Variants in FAM9A observed in about 807,000 individuals in gnomAD.
FAM9A encodes family with sequence similarity 9 member A.
In FAM9A, 49 loss-of-function variants were observed where a neutral mutation model predicts 25.0. The ratio of observed to expected loss-of-function variants is 1.96; its 90% CI spans 1.56 to 2.48. The LOEUF is 2.48. Ranked by LOEUF, FAM9A falls within the 30% of genes most tolerant of loss-of-function variation. The probability of loss-of-function intolerance (pLI) is 0.00; values close to 1 mark genes in which losing one functional copy is unlikely to be tolerated. For synonymous variants in FAM9A, 80 were observed against 85.1 expected (o/e 0.94, Z 0.33); for missense variants, 266 against 249.3 (o/e 1.07, Z -0.45).
intron 7 of FAM9A, among the ~76,000 whole-genome samples, chrX:8,794,378 A>G (rs1205742365): frequency 8.9e-6 from 1 of 111,915 alleles, no homozygotes; most frequent in Non-Finnish European, 1.9e-5. Flanking sequence ...TTACACAGGA[A>G]CCTTTCAATC....
intron 5 of FAM9A, among the ~76,000 whole-genome samples, chrX:8,796,588 T>C (rs1415405081): frequency 1.8e-5 from 2 of 112,029 alleles, no homozygotes; most frequent in Non-Finnish European, 1.9e-5. Context: ...CTAATTCCAA[T>C]TGGTATAACT....
intron 7 of FAM9A, 108 bp downstream of exon 7, chrX:8,794,970 C>G: frequency 1.8e-6 from 2 of 1,089,248 alleles, no homozygotes; most frequent in Non-Finnish European, 2.4e-6. Flanking sequence ...ATGGGCCCCC[C>G]TCTCTGGGCT....
chrX:8,796,781 T>C (rs1933539432), intron 5 of FAM9A, among the ~76,000 whole-genome samples: 1 of 112,187 alleles, frequency 8.9e-6, no homozygotes, highest in African/African-American at 3.2e-5. Context: ...AAAAGTATCT[T>C]ATTTAATAAG....
At chrX:8,797,144 T>C (rs1338172411) in intron 5 of FAM9A, among the ~76,000 whole-genome samples, 7 of 112,143 alleles carry the variant, frequency 6.2e-5, no homozygotes, top group African/African-American at 2.3e-4. Context: ...TCTCCATCTA[T>C]AATGCTCAGT....
Position 8,800,081 on chromosome X carries a change from C to G in FAM9A, c.91G>C (p.Gly31Arg), listed in dbSNP as rs772761590. Residue 31 changes from glycine to arginine, a missense_variant and splice_region_variant, in exon 2 of 10, where the codon GGT becomes CGT. By Grantham distance (125) the Gly-to-Arg change is moderately radical (BLOSUM62 -2). Coordinates refer to ENST00000381003, the MANE Select transcript of FAM9A (RefSeq NM_174951.3). ...ACAGACCATCTCCTTGGGCGTGCACCTTCTTTCGTGGCCCCCTGGGCGGCC... is the reference window on the plus strand; with the variant it reads ...ACAGACCATCTCCTTGGGCGTGCACGTTCTTTCGTGGCCCCCTGGGCGGCC... ...VTAAQGATKE[G>R]SGIASNFPGQ... 5 of 1,208,644 alleles carry G rather than the reference C, an allele frequency of 4.1e-6. No homozygotes were observed. The East Asian group carries it at 1.5e-4, about 36-fold the overall frequency.
intron 2 of FAM9A, among the ~76,000 whole-genome samples, chrX:8,799,444 A>G (rs2020413): frequency 8.9e-4 from 98 of 110,345 alleles, no homozygotes; most frequent in African/African-American, 2.9e-3. Context: ...CATCTCTGGG[A>G]GAATGTCAGG....
At chrX:8,800,756 C>T (rs1420886581) in intron 1 of FAM9A, among the ~76,000 whole-genome samples, 2 of 70,289 alleles carry the variant, frequency 2.8e-5, no homozygotes, top group African/African-American at 1.1e-4. Context: ...CCCACGAACC[C>T]CACACCCCTC....
Position 8,793,718 on chromosome X carries a change from A to T in FAM9A, c.870T>A (p.Pro290=), listed in dbSNP as rs756159338. ...TCAGCCTCCAGCTCCTAACACCTGT[A>T]GGTTGTTGCCACCTCTTCTGTTTTT... ...FQEKQKRWQQ[P]TGVRSWRLRE... Residue 290 remains proline (P), a synonymous_variant, in exon 8 of 10, where the codon CCT becomes CCA. Transcript: ENST00000381003. 5.2e-5 allele frequency: 63 copies of T among 1,209,331 alleles called. No individual in the cohort carries two copies. Among genetic ancestry groups the T allele is most frequent in the Non-Finnish European group, 6.9e-5 (62 of 894,773 alleles).
rs779704332 is a variant in FAM9A at position 8,795,413 on chromosome X, G to T, written c.496C>A (p.Arg166Ser). 2 of 1,190,814 alleles carry T rather than the reference G, an allele frequency of 1.7e-6. No individual in the cohort carries two copies. Among genetic ancestry groups the T allele is most frequent in the South Asian group, 3.7e-5 (2 of 54,577 alleles). Residue 166 changes from arginine (R) to serine (S), a missense_variant, in exon 7 of 10, where the codon CGT becomes AGT. Transcript: ENST00000381003. ...LKKKQLKRQK[R>S]DYRHTRKLLN... ...AACTTCCGAGTATGTCTATAATCAC[G>T]TTTCTGCCTGTAACACATAATAAGT...
Position 8,801,303 on chromosome X carries a change from CGCTTCACCT to C in FAM9A, c.-40_-39+7del, listed in dbSNP as rs1440710037. ...CGACTTCCTGCCTCCCCACCGCGAG[CGCTTCACCT>C]GAGGGACCCCTGATGCCGCTTCCTC... On this transcript the variant is annotated splice_donor_variant and splice_donor_5th_base_variant and 5_prime_UTR_variant and intron_variant, in exon 1 of 10. Transcript: ENST00000381003. LOFTEE classifies it low-confidence loss of function (5UTR_SPLICE). 1.8e-5 allele frequency: 2 copies of C among 110,718 alleles called. No homozygotes were observed. Among genetic ancestry groups the C allele is most frequent in the African/African-American group, 6.6e-5 (2 of 30,393 alleles). 9.1% of individuals were successfully genotyped at this position (110,718 alleles called of 1,213,427 possible).
Position 8,794,983 on chromosome X carries a change from T to C in FAM9A, c.831+95A>G, listed in dbSNP as rs1933509810. 34 of 1,113,827 alleles carry C rather than the reference T, an allele frequency of 3.1e-5. No individual in the cohort carries two copies. The South Asian group carries it at 7.3e-4, about 24-fold the overall frequency. The allele number at this position is 1,113,827 out of a possible 1,213,427, so 91.8% of individuals were successfully genotyped here. On this transcript the variant is annotated intron_variant, in intron 7 of 9. Coordinates refer to ENST00000381003, the MANE Select transcript of FAM9A (RefSeq NM_174951.3). ...TTATGGGCCCCCCTCTCTGGGCTCA[T>C]GCTCTCTTCCTTCTTTGCTGGATTT...
chrX:8,795,506 T>C, intron 6 of FAM9A, 86 bp from the exon 7 acceptor site: 3 of 835,776 alleles, frequency 3.6e-6, no homozygotes, highest in Non-Finnish European at 5.0e-6. Context: ...CTTCACATAA[T>C]TTATACTATA....
chrX:8,799,158 C>T, intron 2 of FAM9A, 64 bp from the exon 3 acceptor site: 2 of 1,060,636 alleles, frequency 1.9e-6, no homozygotes, highest in Admixed American at 2.7e-5. Context: ...GGAGAGCCAA[C>T]GGGATCTCGG....
chrX:8,792,085 A>T (rs7056463), intron 8 of FAM9A, among the ~76,000 whole-genome samples: 3,609 of 111,948 alleles, frequency 0.032, 64 homozygotes, highest in African/African-American at 0.067. Flanking sequence ...TCAAAAAAAA[A>T]TTTTTTTAAA....
chrX:8,796,145 C>A, intron 6 of FAM9A, 123 bp downstream of exon 6: 2 of 526,444 alleles, frequency 3.8e-6, no homozygotes, highest in South Asian at 6.4e-5. Context: ...AGGGAACAAT[C>A]AAGTAAAATA....
chrX:8,793,503 T>C (rs1933492409), intron 8 of FAM9A, among the ~76,000 whole-genome samples, 155 bp downstream of exon 8: 1 of 112,774 alleles, frequency 8.9e-6, no homozygotes, highest in Non-Finnish European at 1.9e-5. Context: ...TTACCAGTTA[T>C]GTTAAATTTG....
Position 8,795,203 on chromosome X carries a change from C to A in FAM9A, c.706G>T (p.Glu236Ter). 3 of 1,054,299 alleles carry A rather than the reference C, an allele frequency of 2.8e-6. No homozygotes were observed. Among genetic ancestry groups the A allele is most frequent in the Non-Finnish European group, 3.9e-6 (3 of 776,667 alleles). The allele number at this position is 1,054,299 out of a possible 1,213,427, so 86.9% of individuals were successfully genotyped here. A position where few individuals can be genotyped will look rare whatever the true frequency, so the allele number is the denominator to read the frequency against. Residue 236 changes from glutamate to a stop codon, truncating the protein, a stop_gained, in exon 7 of 10, where the codon GAG (glutamate) becomes TAG (stop). Transcript: ENST00000381003. LOFTEE classifies it high-confidence loss of function. ...EKEEEEEKEE[E>*]EEEGEEEGGG... ...CCTTCTTCTTCTCCTTCTTCTTCCTCCTCTTCTTTCTCCTCCTCCTCCTCC... is the reference window on the plus strand; with the variant it reads ...CCTTCTTCTTCTCCTTCTTCTTCCTACTCTTCTTTCTCCTCCTCCTCCTCC...
intron 5 of FAM9A, 113 bp from the exon 6 acceptor site, chrX:8,796,495 T>A (rs956986689): frequency 3.4e-5 from 17 of 497,091 alleles, no homozygotes; most frequent in Non-Finnish European, 5.4e-5. Context: ...GACATTTACA[T>A]TGTAAAATAC....
At chrX:8,798,884 C>G in intron 3 of FAM9A, 82 bp downstream of exon 3, 1 of 1,189,026 alleles carries the variant, frequency 8.4e-7, no homozygotes, top group Non-Finnish European at 1.1e-6. Flanking sequence ...CTCGGGCTGC[C>G]CATGTGCCTC....
Sources: gnomAD v4.1 joint callset for allele counts (sites outside exome capture counted in the v4.1 genomes callset) on GRCh38, gnomAD v4.1.1 for gene constraint, MANE v1.5 for transcripts, NCBI Gene and HGNC (gene_info 2026-07-23, HGNC 2026-07-21) for gene names.